Variants in KCNMA1 observed in about 807,000 individuals in gnomAD.
The protein encoded by KCNMA1 is Calcium-activated potassium channel subunit alpha-1.
In KCNMA1, 29 loss-of-function variants were observed where a neutral mutation model predicts 140.0. That is an observed-to-expected ratio of 0.21 (90% CI 0.15 to 0.28). KCNMA1 has a LOEUF of 0.28. KCNMA1 is among the 10% of genes least tolerant of loss of function. The pLI is 1.00. For missense variants in KCNMA1, 880 were observed against 1,602.2 expected (o/e 0.55, Z 7.70); for synonymous variants, 612 against 611.9 (o/e 1.00, Z 0.00).
chr10:77,520,037 G>GCTGGGGTA (rs879329158), intron 1 of KCNMA1, among the ~76,000 whole-genome samples: 74 of 43,442 alleles, frequency 1.7e-3, no homozygotes, highest in Middle Eastern at 0.012. Context: ...CAGTGTGAGG[G>GCTGGGGTA]TGTGCAGTGT....
At chr10:77,134,736 C>T (rs1001461378) in intron 5 of KCNMA1, among the ~76,000 whole-genome samples, 16 of 151,904 alleles carry the variant, frequency 1.1e-4, no homozygotes, top group East Asian at 1.9e-4. Flanking sequence ...CAGTGGCTCA[C>T]GCCTGTAATC....
chr10:77,268,894 A>G (rs1015609562), intron 2 of KCNMA1, among the ~76,000 whole-genome samples: 2 of 152,138 alleles, frequency 1.3e-5, no homozygotes, highest in African/African-American at 4.8e-5. Flanking sequence ...GTAGTGACTG[A>G]ACAAAAGCAG....
At chr10:77,431,681 TAAAAAAAAAAAAAAAAAA>T (rs71028276) in intron 1 of KCNMA1, among the ~76,000 whole-genome samples, 6 of 75,450 alleles carry the variant, frequency 8.0e-5, no homozygotes, top group East Asian at 8.1e-4. Context: ...TGGTCTGTTG[TAAAAAAAAAAAAAAAAAA>T]AAAAAAAAAA....
At chr10:77,134,924 G>A (rs1258962671) in intron 5 of KCNMA1, among the ~76,000 whole-genome samples, 11 of 139,582 alleles carry the variant, frequency 7.9e-5, no homozygotes, top group African/African-American at 2.9e-4. Context: ...CGTGAACCCG[G>A]GAGGTGGAGA....
Position 76,992,887 on chromosome 10 carries a change from T to A in KCNMA1, c.2266+8520A>T, listed in dbSNP as rs12415727. Among the ~76,000 whole-genome samples, 582 of 152,250 alleles carry A rather than the reference T, an allele frequency of 3.8e-3. 20 individuals carry two copies. In the East Asian group the frequency reaches 0.081, roughly 21 times the overall value. ...TGTTTTGTATTTCCACTCGAGAAGG[T>A]TAAGTGTTTGAAAACTACAGTGGAT... On this transcript the variant is annotated intron_variant, in intron 19 of 27. Transcript: ENST00000286628.
chr10:77,317,183 G>T (rs752892475), intron 2 of KCNMA1, among the ~76,000 whole-genome samples: 8 of 152,096 alleles, frequency 5.3e-5, no homozygotes, highest in Non-Finnish European at 1.0e-4. Context: ...TGAAGACATT[G>T]TCTGGTTCCT....
At position 77,082,030 on chromosome 10, in the gene KCNMA1, T is replaced by C. The variant is rs1280456556; in HGVS notation, c.1524-2480A>G. ...TTCTTTTTTTTTTTTTTTTTTTTTT[T>C]TTTTTTTTTTTTAAGACGGAGCCTC... On this transcript the variant is annotated intron_variant, in intron 12 of 27. Coordinates refer to ENST00000286628, the MANE Select transcript of KCNMA1 (RefSeq NM_001161352.2). 3.9e-5 allele frequency among the ~76,000 whole-genome samples: 4 copies of C among 102,108 alleles called. 1 individual carries two copies. The highest frequency in any genetic ancestry group is 3.7e-4 in the South Asian group (1 of 2,736). 67.0% of individuals were successfully genotyped at this position (102,108 alleles called of 152,430 possible).
At chr10:76,892,256 T>A (rs1483007897) in intron 25 of KCNMA1, among the ~76,000 whole-genome samples, 5 of 152,218 alleles carry the variant, frequency 3.3e-5, no homozygotes, top group Non-Finnish European at 7.3e-5. Flanking sequence ...ATCAATTAAA[T>A]ATGCCGGATA....
intron 1 of KCNMA1, among the ~76,000 whole-genome samples, chr10:77,556,457 A>G (rs2154557992): frequency 7.2e-6 from 1 of 139,208 alleles, no homozygotes; most frequent in South Asian, 2.4e-4. Context: ...GTAAGCCGAG[A>G]TCACACCACT....
chr10:77,264,885 T>C (rs184201284), intron 2 of KCNMA1, among the ~76,000 whole-genome samples: 1 of 152,284 alleles, frequency 6.6e-6, no homozygotes. Flanking sequence ...CATTCATTCA[T>C]TCATTCAGTG....
intron 1 of KCNMA1, among the ~76,000 whole-genome samples, chr10:77,569,721 T>C (rs1334227811): frequency 2.0e-5 from 3 of 152,074 alleles, no homozygotes; most frequent in African/African-American, 7.2e-5. Flanking sequence ...GCAACAAAAG[T>C]CAAAATTGAC....
chr10:77,029,608 C>T (rs1404740078), intron 15 of KCNMA1, among the ~76,000 whole-genome samples: 1 of 152,098 alleles, frequency 6.6e-6, no homozygotes, highest in Admixed American at 6.6e-5. Flanking sequence ...ATGACAAGTT[C>T]TATGTTGAAA....
intron 11 of KCNMA1, among the ~76,000 whole-genome samples, chr10:77,084,920 C>A (rs1021779888): frequency 1.3e-5 from 2 of 152,006 alleles, no homozygotes; most frequent in Non-Finnish European, 2.9e-5. Flanking sequence ...CATCTTGTTG[C>A]TGTTGGAGGG....
chr10:77,385,888 G>T (rs1339342094), intron 2 of KCNMA1, among the ~76,000 whole-genome samples: 1 of 152,206 alleles, frequency 6.6e-6, no homozygotes, highest in Admixed American at 6.5e-5. Flanking sequence ...CTGAAGCGGG[G>T]AGATGGGACA....
At chr10:77,378,801 C>T (rs903623700) in intron 2 of KCNMA1, among the ~76,000 whole-genome samples, 1 of 152,180 alleles carries the variant, frequency 6.6e-6, no homozygotes. Flanking sequence ...ACTGGTGGGA[C>T]TTACCCAATT....
chr10:77,042,930 A>T (rs1377155308), intron 14 of KCNMA1, among the ~76,000 whole-genome samples: 1 of 152,164 alleles, frequency 6.6e-6, no homozygotes. Context: ...CAAAACTGGT[A>T]TTTACTTCCC....
chr10:77,117,856 T>C (rs1218885727), intron 6 of KCNMA1, among the ~76,000 whole-genome samples: 13 of 152,158 alleles, frequency 8.5e-5, no homozygotes, highest in Admixed American at 8.5e-4. Flanking sequence ...CTATGGAGTA[T>C]TCTAGGCCCC....
chr10:77,549,338 T>A (rs1317736301), intron 1 of KCNMA1, among the ~76,000 whole-genome samples: 1 of 152,214 alleles, frequency 6.6e-6, no homozygotes, highest in African/African-American at 2.4e-5. Flanking sequence ...ACCCTTCAGA[T>A]GGAGAGGAAG....
chr10:77,469,628 CA>C (rs2098110457), intron 1 of KCNMA1, among the ~76,000 whole-genome samples: 1 of 152,184 alleles, frequency 6.6e-6, no homozygotes, highest in African/African-American at 2.4e-5. Flanking sequence ...GTATCACCCA[CA>C]AGCCCAGAAG....
Sources: allele counts gnomAD v4.1 joint callset (sites outside exome capture counted in the v4.1 genomes callset), GRCh38; gene constraint gnomAD v4.1.1; transcripts MANE v1.5; gene names NCBI Gene and HGNC (gene_info 2026-07-23, HGNC 2026-07-21).